Variants in PWWP2A observed in about 807,000 individuals in gnomAD.
PWWP2A encodes the protein PWWP domain containing 2A.
In PWWP2A, 18 loss-of-function variants were observed where a neutral mutation model predicts 48.5. The observed-to-expected ratio is 0.37, with a 90% CI of 0.26 to 0.55. PWWP2A has a LOEUF of 0.55. Among genes scored for constraint, PWWP2A ranks in the 20% least tolerant of loss-of-function variants. The pLI, the probability that PWWP2A is intolerant of heterozygous loss-of-function variation, is 0.81. For missense variants in PWWP2A, 867 were observed against 976.4 expected (o/e 0.89, Z 1.49); for synonymous variants, 396 against 387.7 (o/e 1.02, Z -0.25).
downstream of PWWP2A, chr5:160,089,899 C>T: frequency 1.0e-6 from 1 of 985,332 alleles, no homozygotes; most frequent in Non-Finnish European, 1.2e-6. Flanking sequence ...TCAACTCTAT[C>T]TCCATCTGCA....
chr5:160,074,513 G>A (rs565521138), downstream of PWWP2A, among the ~76,000 whole-genome samples: 197 of 152,054 alleles, frequency 1.3e-3, no homozygotes, highest in Non-Finnish European at 2.3e-3. Context: ...TTGCGAAGCC[G>A]AGGCAGGCGG....
intron 2 of PWWP2A, chr5:160,080,858 G>A (rs1266958522): frequency 1.6e-6 from 2 of 1,226,110 alleles, no homozygotes; most frequent in Non-Finnish European, 1.1e-6. Flanking sequence ...TTTAAAATAA[G>A]ACCAAAATTC....
intron 1 of PWWP2A, chr5:160,116,698 C>T: frequency 4.1e-6 from 4 of 984,632 alleles, no homozygotes; most frequent in Non-Finnish European, 4.8e-6. Flanking sequence ...CCTTCTGCAC[C>T]TTCCTTTTGC....
downstream of PWWP2A, among the ~76,000 whole-genome samples, chr5:160,089,008 G>T (rs1013325726): frequency 6.6e-6 from 1 of 152,106 alleles, no homozygotes; most frequent in Non-Finnish European, 1.5e-5. Flanking sequence ...GTTGATTTTA[G>T]TATCAGTTCC....
chr5:160,091,416 T>TC lies in PWWP2A; in HGVS notation c.*965_*966insG, dbSNP rs1755053797. ...TTTACATTTCAGAGCATTACACAATTACATTTTCTCATTTTCTGACCTGCA... is the reference window on the plus strand; with the variant it reads ...TTTACATTTCAGAGCATTACACAATTCACATTTTCTCATTTTCTGACCTGCA... On this transcript the variant is annotated 3_prime_UTR_variant, in exon 2 of 2. Transcript: ENST00000307063. 1.0e-6 allele frequency: 1 copy of TC among 968,660 alleles called. No individual in the cohort carries two copies. Among genetic ancestry groups the TC allele is most frequent in the Non-Finnish European group, 1.2e-6 (1 of 815,866 alleles). The allele number at this position is 968,660 out of a possible 1,614,324, so 60.0% of individuals were successfully genotyped here.
chr5:160,117,866 C>T (rs1758298591), intron 1 of PWWP2A: 1 of 984,382 alleles, frequency 1.0e-6, no homozygotes, highest in Non-Finnish European at 1.2e-6. Flanking sequence ...ACGATCAGAG[C>T]GTGTGCTGTT....
At chr5:160,090,309 C>A (rs1022353098), downstream of PWWP2A, 10 of 985,018 alleles carry the variant, frequency 1.0e-5, no homozygotes, top group Middle Eastern at 5.2e-4. Context: ...CAGATCATTA[C>A]ACAAAGCCTT....
At position 160,078,256 on chromosome 5, in the gene PWWP2A, C is replaced by A; in HGVS notation, c.1670-88G>T. ...TGATGTCCTTGTTGTTTAAGCCCTACATAGATTGTGGGATCACACCTGATT... is the reference window on the plus strand; with the variant it reads ...TGATGTCCTTGTTGTTTAAGCCCTAAATAGATTGTGGGATCACACCTGATT... On this transcript the variant is annotated intron_variant, in intron 3 of 3. Coordinates refer to the PWWP2A transcript ENST00000456329. The surrounding 1 kb of genome is among the most constrained non-coding windows in gnomAD (Gnocchi z 4.2). 8.9e-7 allele frequency: 1 copy of A among 1,120,688 alleles called. No individual in the cohort carries two copies. The highest frequency in any genetic ancestry group is 1.3e-6 in the Non-Finnish European group (1 of 757,262). The allele number at this position is 1,120,688 out of a possible 1,614,324, so 69.4% of individuals were successfully genotyped here.
intron 4 of PWWP2A, among the ~76,000 whole-genome samples, chr5:160,066,006 T>G (rs1381887781): frequency 6.6e-6 from 1 of 152,220 alleles, no homozygotes; most frequent in Admixed American, 6.5e-5. Context: ...TCATCTTGGA[T>G]GTAAATTACA....
At chr5:160,103,598 T>C (rs1485671662) in intron 1 of PWWP2A, among the ~76,000 whole-genome samples, 1 of 151,994 alleles carries the variant, frequency 6.6e-6, no homozygotes, top group African/African-American at 2.4e-5. Flanking sequence ...TTGCAGGGAA[T>C]GGGACCTAGA....
At chr5:160,117,588 C>T (rs570756452) in intron 1 of PWWP2A, among the ~76,000 whole-genome samples, 3 of 150,810 alleles carry the variant, frequency 2.0e-5, no homozygotes, top group Admixed American at 1.3e-4. Flanking sequence ...ACCCAGGAGG[C>T]GGAGGTTGCA....
chr5:160,109,770 AAAAAATATAT>A (rs1233342196), intron 1 of PWWP2A, among the ~76,000 whole-genome samples: 173 of 38,128 alleles, frequency 4.5e-3, no homozygotes, highest in Admixed American at 6.4e-3. Flanking sequence ...AAAAAAAAAA[AAAAAATATAT>A]ATATATATAT....
At chr5:160,069,549 A>G (rs969824249) in intron 2 of PWWP2A, among the ~76,000 whole-genome samples, 3 of 152,166 alleles carry the variant, frequency 2.0e-5, no homozygotes, top group Admixed American at 6.5e-5. Flanking sequence ...TCCAGTAATC[A>G]TACCCATGAA....
chr5:160,058,653 C>G (rs1478126766), downstream of PWWP2A, among the ~76,000 whole-genome samples: 4 of 151,756 alleles, frequency 2.6e-5, no homozygotes, highest in Admixed American at 2.0e-4. Flanking sequence ...CCTCGTGATC[C>G]ACCCACCTCA....
downstream of PWWP2A, chr5:160,090,441 T>C (rs2113515247): frequency 1.0e-6 from 1 of 981,990 alleles, no homozygotes; most frequent in Admixed American, 6.1e-5. Context: ...TTTAGGATAG[T>C]TCCTTATAAC....
chr5:160,092,865 G>C lies in PWWP2A; in HGVS notation c.1785C>G (p.Asn595Lys). The change falls in exon 2 of 2, where the codon AAC becomes AAG. Residue 595 changes from asparagine to lysine, a missense_variant. Physicochemically the swap from Asn to Lys is moderately conservative, Grantham distance 94 (BLOSUM62 0). Transcript: ENST00000307063. ...IDSTDDLKSSNSECSSSESFD... is the reference protein window; with the variant it reads ...IDSTDDLKSSKSECSSSESFD... ...AGCTTTCAGAAGAACTACACTCAGA[G>C]TTGGAAGATTTCAAATCATCTGTGC... The C allele has an allele frequency of 6.4e-7, 1 of 1,551,748 alleles. No homozygotes were observed. The highest frequency in any genetic ancestry group is 2.0e-5 in the Admixed American group (1 of 51,010).
chr5:160,044,621 G>A, the PWWP2A span, among the ~76,000 whole-genome samples: 1 of 152,166 alleles, frequency 6.6e-6, no homozygotes, highest in South Asian at 2.1e-4. Flanking sequence ...TTGCATTTAG[G>A]GAGCAGTGAG....
chr5:160,060,784 G>C (rs1263829421), downstream of PWWP2A, among the ~76,000 whole-genome samples: 5 of 152,162 alleles, frequency 3.3e-5, no homozygotes, highest in Admixed American at 3.3e-4. Context: ...AACAGCAAAA[G>C]GTAAATTTTT....
Position 160,092,942 on chromosome 5 carries a change from G to A in PWWP2A, c.1708C>T (p.Leu570=). The change falls in exon 2 of 2, where the codon CTA becomes TTA. Residue 570 remains leucine (L), a synonymous_variant. Coordinates refer to ENST00000307063, the MANE Select transcript of PWWP2A (RefSeq NM_001130864.2). ...SKNNISVYMT[L]NQKKSDSSSA... is the part of the protein sequence containing the mutation. ...GAAGAGTCAGATTTCTTTTGATTTA[G>A]GGTCATATAAACAGAGATATTGTTT... 6.4e-7 allele frequency: 1 copy of A among 1,551,750 alleles called. No homozygotes were observed. The highest frequency in any genetic ancestry group is 8.7e-7 in the Non-Finnish European group (1 of 1,147,036).
Sources: gnomAD v4.1 joint callset for allele counts (sites outside exome capture counted in the v4.1 genomes callset) on GRCh38, gnomAD v4.1.1 for gene constraint, Gnocchi (gnomAD v3.1) non-coding constraint, MANE v1.5 for transcripts, NCBI Gene and HGNC (gene_info 2026-07-23, HGNC 2026-07-21) for gene names.